The following GAS7 variants were observed in gnomAD, a reference collection of about 807,000 sequenced individuals.
GAS7 encodes growth arrest-specific protein 7.
A neutral mutation model predicts 71.1 loss-of-function variants in GAS7; 28 were observed. The ratio of observed to expected loss-of-function variants is 0.39; its 90% CI spans 0.29 to 0.54. The LOEUF (loss-of-function observed/expected upper bound fraction) is 0.54. Ranked by LOEUF, GAS7 falls within the 20% of genes least tolerant of loss-of-function variation. The pLI, the probability that GAS7 is intolerant of heterozygous loss-of-function variation, is 0.62. For synonymous variants in GAS7, 258 were observed against 245.8 expected, an observed-to-expected ratio of 1.05 and a Z score of -0.46; for missense variants, 436 against 627.8, an observed-to-expected ratio of 0.69 and a Z score of 3.27.
chr17:10,016,466 G>A (rs568355659), intron 2 of GAS7, among the ~76,000 whole-genome samples: 1 of 149,604 alleles, frequency 6.7e-6, no homozygotes, highest in South Asian at 2.1e-4. Context: ...GGTAGGTGCT[G>A]GAATTATTTT....
chr17:10,018,413 A>G (rs1201317877), intron 2 of GAS7, among the ~76,000 whole-genome samples: 10 of 152,194 alleles, frequency 6.6e-5, no homozygotes, highest in Non-Finnish European at 1.3e-4. Flanking sequence ...GTTGTCCCAA[A>G]TAATTGATGA....
chr17:10,061,306 C>T (rs1314485409), intron 1 of GAS7: 2 of 152,268 alleles, frequency 1.3e-5, no homozygotes, highest in Non-Finnish European at 2.9e-5. Flanking sequence ...AAATCAGAAC[C>T]ATATGGATTT....
intron 1 of GAS7, among the ~76,000 whole-genome samples, chr17:10,113,706 A>C (rs976470545): frequency 1.9e-4 from 29 of 152,248 alleles, no homozygotes; most frequent in African/African-American, 7.0e-4. Flanking sequence ...TTCCTGGACT[A>C]CTTCTGGAAG....
chr17:10,039,227 T>TCA (rs2072815530), intron 1 of GAS7, among the ~76,000 whole-genome samples: 1 of 144,698 alleles, frequency 6.9e-6, no homozygotes, highest in Non-Finnish European at 1.5e-5. Flanking sequence ...TTGCCATGAT[T>TCA]AAAAAAAAAA....
chr17:10,064,540 G>A (rs1479277358), intron 1 of GAS7, among the ~76,000 whole-genome samples: 2 of 152,154 alleles, frequency 1.3e-5, no homozygotes. Flanking sequence ...TTCACGAAGG[G>A]GCATATTACC....
At position 10,050,737 on chromosome 17, in the gene GAS7, C is replaced by T. The variant is rs546831069; in HGVS notation, c.184-30840G>A. 1.2e-3 allele frequency among the ~76,000 whole-genome samples: 177 copies of T among 152,306 alleles called. 1 individual carries two copies. The highest frequency in any genetic ancestry group is 3.4e-3 in the Middle Eastern group (1 of 294). ...CAGGGAGGAAACATCTGTGTATACA[C>T]GAGGGGTGAAGTCATAAGCCCTCTT... On this transcript the variant is annotated intron_variant, in intron 1 of 13. Transcript: ENST00000432992.
intron 1 of GAS7, among the ~76,000 whole-genome samples, chr17:10,195,907 G>T (rs996725286): frequency 2.0e-5 from 3 of 152,148 alleles, no homozygotes; most frequent in Non-Finnish European, 4.4e-5. Context: ...AACTGCATCT[G>T]CTTTGGCCCT....
At chr17:9,988,647 G>C (rs986310600) in intron 2 of GAS7, among the ~76,000 whole-genome samples, 1 of 151,852 alleles carries the variant, frequency 6.6e-6, no homozygotes, top group African/African-American at 2.4e-5. Context: ...AGATCGCGTC[G>C]TTGCACTCCA....
At chr17:10,004,015 A>C (rs187285817) in intron 2 of GAS7, among the ~76,000 whole-genome samples, 1 of 152,304 alleles carries the variant, frequency 6.6e-6, no homozygotes, top group East Asian at 1.9e-4. Context: ...GCACCGTCTC[A>C]AACACTGGTG....
At chr17:10,159,441 T>G (rs1345319966) in intron 1 of GAS7, among the ~76,000 whole-genome samples, 2 of 152,118 alleles carry the variant, frequency 1.3e-5, no homozygotes, top group Non-Finnish European at 2.9e-5. Context: ...GGTGTATTTA[T>G]TCATAGGGTG....
At chr17:10,005,162 T>C (rs67412479) in intron 2 of GAS7, among the ~76,000 whole-genome samples, 2,125 of 74,754 alleles carry the variant, frequency 0.028, 27 homozygotes, top group African/African-American at 0.037. Context: ...TGCATGTGTG[T>C]GCGCACGCAT....
intron 1 of GAS7, among the ~76,000 whole-genome samples, chr17:10,052,432 G>C (rs1444744958): frequency 6.6e-6 from 1 of 152,232 alleles, no homozygotes; most frequent in Non-Finnish European, 1.5e-5. Flanking sequence ...ACAGGTCTAA[G>C]AGGGTGGGTA....
At chr17:10,165,430 A>T (rs993760773) in intron 1 of GAS7, among the ~76,000 whole-genome samples, 3 of 152,216 alleles carry the variant, frequency 2.0e-5, no homozygotes, top group African/African-American at 4.8e-5. Context: ...TTTTGTTTCA[A>T]CTTGACTAAG....
At chr17:10,089,133 C>A (rs1597785096) in intron 1 of GAS7, among the ~76,000 whole-genome samples, 1 of 151,862 alleles carries the variant, frequency 6.6e-6, no homozygotes, top group African/African-American at 2.4e-5. Context: ...TGCACTCCAG[C>A]CTGGGCCACA....
intron 5 of GAS7, among the ~76,000 whole-genome samples, chr17:9,949,933 C>G: frequency 6.6e-6 from 1 of 150,620 alleles, no homozygotes; most frequent in Admixed American, 6.6e-5. Flanking sequence ...ACGATCTCGG[C>G]TCACTGCAAC....
chr17:10,063,480 C>T (rs1033541645), intron 1 of GAS7, among the ~76,000 whole-genome samples: 5 of 152,206 alleles, frequency 3.3e-5, no homozygotes, highest in East Asian at 1.9e-4. Flanking sequence ...GCAGCAGCTC[C>T]GGCAAAACCC....
At chr17:10,111,851 C>T (rs2073816711) in intron 1 of GAS7, among the ~76,000 whole-genome samples, 1 of 152,154 alleles carries the variant, frequency 6.6e-6, no homozygotes, top group South Asian at 2.1e-4. Flanking sequence ...GAACTGCTGC[C>T]GTGTTTCGAC....
chr17:10,126,184 C>T (rs890613641), intron 1 of GAS7, among the ~76,000 whole-genome samples: 6 of 152,174 alleles, frequency 3.9e-5, no homozygotes, highest in Non-Finnish European at 7.3e-5. Flanking sequence ...ATGGGGGAGT[C>T]GCTTCTCAGA....
chr17:10,090,198 A>G (rs890549897), intron 1 of GAS7, among the ~76,000 whole-genome samples: 7 of 151,862 alleles, frequency 4.6e-5, no homozygotes, highest in African/African-American at 1.7e-4. Flanking sequence ...ATGGCTGGAA[A>G]GGGGAGGAGT....
Sources: gnomAD v4.1 joint callset for allele counts (sites outside exome capture counted in the v4.1 genomes callset) on GRCh38, gnomAD v4.1.1 for gene constraint, MANE v1.5 for transcripts, NCBI Gene and HGNC (gene_info 2026-07-23, HGNC 2026-07-21) for gene names.